GDPD1: variants seen among roughly 807,000 people sequenced by gnomAD.
The protein encoded by GDPD1 is lysophospholipase D GDPD1.
A neutral mutation model predicts 45.1 loss-of-function variants in GDPD1; 28 were observed. The ratio of observed to expected loss-of-function variants is 0.62; its 90% CI spans 0.46 to 0.85. The LOEUF (loss-of-function observed/expected upper bound fraction) is 0.85. Among genes scored for constraint, GDPD1 ranks in the 40% least tolerant of loss-of-function variants. The pLI is 0.00. For synonymous variants in GDPD1, 139 were observed against 131.4 expected, an observed-to-expected ratio of 1.06 and a Z score of -0.40; for missense variants, 256 against 364.8, an observed-to-expected ratio of 0.70 and a Z score of 2.43.
intron 7 of GDPD1, among the ~76,000 whole-genome samples, chr17:59,270,718 TTA>T (rs2047438121): frequency 6.6e-6 from 1 of 152,078 alleles, no homozygotes; most frequent in African/African-American, 2.4e-5. Flanking sequence ...ATTTATTTAT[TTA>T]TTTATTACTT....
rs1432543439 is a variant in GDPD1, at chr17:59,245,488, A to T, written c.260A>T (p.His87Leu). Reference protein sequence around the residue: ...ITKDEQVVVSHDENLKRATGV... With the variant: ...ITKDEQVVVSLDENLKRATGV... ...AAAGATGAACAAGTTGTAGTGTCAC[A>T]TGATGAGAATCTAAAGAGAGCAACT... Residue 87 changes from histidine (H) to leucine (L), a missense_variant, in exon 3 of 10, where the codon CAT becomes CTT. By Grantham distance (99) the His-to-Leu change is moderately conservative. Coordinates refer to ENST00000284116, the MANE Select transcript of GDPD1 (RefSeq NM_182569.4). The T allele has an allele frequency of 6.2e-7, 1 of 1,610,386 alleles. No individual in the cohort carries two copies. Among genetic ancestry groups the T allele is most frequent in the East Asian group, 2.2e-5 (1 of 44,790 alleles).
At position 59,220,614 on chromosome 17, in the gene GDPD1, C is replaced by T; in HGVS notation, c.5C>T (p.Ser2Leu). The T allele has an allele frequency of 6.2e-7, 1 of 1,613,558 alleles. No individual in the cohort carries two copies. Among genetic ancestry groups the T allele is most frequent in the Non-Finnish European group, 8.5e-7 (1 of 1,179,732 alleles). ...ACTTCCCACACGGTGACTGAGATGT[C>T]GTCCACTGCGGCTTTTTACCTTCTC... is the stretch of plus-strand genomic sequence containing the variant. M[S>L]STAAFYLLST... is the part of the protein sequence containing the mutation. The change falls in exon 1 of 10, where the codon TCG becomes TTG. Residue 2 changes from serine (S) to leucine (L), a missense_variant. Coordinates refer to ENST00000284116, the MANE Select transcript of GDPD1 (RefSeq NM_182569.4).
intron 2 of GDPD1, among the ~76,000 whole-genome samples, chr17:59,235,182 G>A (rs2047122240): frequency 6.6e-6 from 1 of 151,946 alleles, no homozygotes; most frequent in East Asian, 1.9e-4. Context: ...AGCAAAGGAT[G>A]TGAAAAGTTA....
chr17:59,264,302 GT>G (rs1226913043), intron 6 of GDPD1, among the ~76,000 whole-genome samples: 119 of 146,158 alleles, frequency 8.1e-4, no homozygotes, highest in African/African-American at 2.7e-3. Context: ...GCCCAGCCAA[GT>G]TTTTTTTTTT....
intron 1 of GDPD1, among the ~76,000 whole-genome samples, chr17:59,225,079 T>G (rs2047036933): frequency 6.8e-6 from 1 of 147,640 alleles, no homozygotes; most frequent in South Asian, 2.2e-4. Context: ...GTTTATTATT[T>G]TCTTTCTTTT....
Position 59,274,231 on chromosome 17 carries a change from G to A in GDPD1, c.*458G>A. 1 of 928,238 alleles carries A rather than the reference G, an allele frequency of 1.1e-6. No individual in the cohort carries two copies. The highest frequency in any genetic ancestry group is 1.3e-6 in the Non-Finnish European group (1 of 778,188). 57.5% of individuals were successfully genotyped at this position (928,238 alleles called of 1,614,324 possible). On this transcript the variant is annotated 3_prime_UTR_variant, in exon 10 of 10. Transcript: ENST00000284116. Reference sequence around the variant, plus strand: ...AGACTATTGGATACATTTGGCATTGGGCTGAGTGTGGTGGCTCATGCCTGT... The same window carrying A: ...AGACTATTGGATACATTTGGCATTGAGCTGAGTGTGGTGGCTCATGCCTGT...
chr17:59,268,726 T>G (rs2047420831), intron 7 of GDPD1, among the ~76,000 whole-genome samples: 1 of 151,802 alleles, frequency 6.6e-6, no homozygotes, highest in Admixed American at 6.6e-5. Context: ...TGAACGTTAG[T>G]GTAGCAGTCA....
intron 1 of GDPD1, among the ~76,000 whole-genome samples, chr17:59,225,614 C>T (rs188080681): frequency 3.9e-5 from 6 of 152,254 alleles, no homozygotes; most frequent in Admixed American, 1.3e-4. Context: ...AGGCATGAGC[C>T]ACTGTGCTCG....
intron 1 of GDPD1, among the ~76,000 whole-genome samples, chr17:59,228,229 T>C (rs981764769): frequency 6.6e-5 from 10 of 151,914 alleles, no homozygotes; most frequent in Admixed American, 6.6e-4. Context: ...TTAACTCATT[T>C]GATTATACCA....
At chr17:59,264,776 C>G (rs955336460) in intron 6 of GDPD1, among the ~76,000 whole-genome samples, 1 of 152,086 alleles carries the variant, frequency 6.6e-6, no homozygotes, top group Non-Finnish European at 1.5e-5. Flanking sequence ...AATAAATTCT[C>G]AAACTTATTT....
At chr17:59,244,576 G>A (rs574029915) in intron 2 of GDPD1, among the ~76,000 whole-genome samples, 120 of 152,176 alleles carry the variant, frequency 7.9e-4, no homozygotes, top group African/African-American at 2.8e-3. Context: ...CAGGTGATCT[G>A]CCTGCTTTTG....
rs1298378093 is a variant in GDPD1 at position 59,274,713 on chromosome 17, G to A, written c.*940G>A. Reference sequence around the variant, plus strand: ...GAATGGCGTGAACCCGGGAGGCGGAGCTTGCAGTGAGCCGAGATCGCGCCA... The same window carrying A: ...GAATGGCGTGAACCCGGGAGGCGGAACTTGCAGTGAGCCGAGATCGCGCCA... On this transcript the variant is annotated 3_prime_UTR_variant, in exon 10 of 10. Transcript: ENST00000284116. Among the ~76,000 whole-genome samples, 1 of 150,686 alleles carries A rather than the reference G, an allele frequency of 6.6e-6. No homozygotes were observed. Among genetic ancestry groups the A allele is most frequent in the Non-Finnish European group, 1.5e-5 (1 of 67,700 alleles).
intron 1 of GDPD1, among the ~76,000 whole-genome samples, chr17:59,230,623 C>G (rs1192826869): frequency 6.6e-6 from 1 of 151,864 alleles, no homozygotes; most frequent in Admixed American, 6.6e-5. Context: ...CTCAGGTGAT[C>G]CGCCTGCCTC....
chr17:59,225,096 T>C (rs1294067574), intron 1 of GDPD1, among the ~76,000 whole-genome samples: 4 of 144,192 alleles, frequency 2.8e-5, no homozygotes, highest in Admixed American at 6.9e-5. Context: ...TTTTCTTTTT[T>C]TTTTTTTTTT....
At chr17:59,261,752 G>A (rs571711850) in intron 6 of GDPD1, among the ~76,000 whole-genome samples, 2 of 151,916 alleles carry the variant, frequency 1.3e-5, no homozygotes, top group South Asian at 4.2e-4. Flanking sequence ...TCCCACCTCA[G>A]CCTTTTGAGT....
At chr17:59,259,992 CAG>C (rs916158847) in intron 6 of GDPD1, among the ~76,000 whole-genome samples, 2 of 124,930 alleles carry the variant, frequency 1.6e-5, no homozygotes, top group Non-Finnish European at 3.1e-5. Flanking sequence ...GCCTAGTAGA[CAG>C]AGGTTGCAGT....
At chr17:59,254,132 C>A (rs1319481388) in intron 4 of GDPD1, among the ~76,000 whole-genome samples, 1 of 150,980 alleles carries the variant, frequency 6.6e-6, no homozygotes, top group Non-Finnish European at 1.5e-5. Context: ...GAGGCTGAGA[C>A]AGGCGGATCA....
chr17:59,220,753 T>G lies in GDPD1; in HGVS notation c.142+2T>G. On this transcript the variant is annotated splice_donor_variant, in intron 1 of 9. Transcript: ENST00000284116. LOFTEE classifies it high-confidence loss of function. ...GTAAACACATCTCTCACCGCGGAGG[T>G]GAGAGGGGTCCCCAGAACCCGATGA... 1.2e-6 allele frequency: 2 copies of G among 1,611,114 alleles called. No homozygotes were observed.
chr17:59,244,967 G>T (rs929599125), intron 2 of GDPD1, among the ~76,000 whole-genome samples: 2 of 152,150 alleles, frequency 1.3e-5, no homozygotes, highest in Admixed American at 1.3e-4. Flanking sequence ...TTGCACTCCA[G>T]CCTGGGCAAC....
Sources: gnomAD v4.1 joint callset for allele counts (sites outside exome capture counted in the v4.1 genomes callset) on GRCh38, gnomAD v4.1.1 for gene constraint, MANE v1.5 for transcripts, NCBI Gene and HGNC (gene_info 2026-07-23, HGNC 2026-07-21) for gene names.